The following IQCH variants were observed in gnomAD, a reference collection of about 807,000 sequenced individuals.
The protein encoded by IQCH is IQ domain-containing protein H.
IQCH carries 98 observed loss-of-function variants against 117.0 expected under a neutral mutation model. That is an observed-to-expected ratio of 0.84 (90% CI 0.71 to 0.99). IQCH has a LOEUF of 0.99. Among genes scored for constraint, IQCH ranks in the 50% least tolerant of loss-of-function variants. The probability of loss-of-function intolerance (pLI) is 0.00; values close to 1 mark genes in which losing one functional copy is unlikely to be tolerated. For missense variants in IQCH, 1,102 were observed against 1,243.8 expected (o/e 0.89, Z 1.72); for synonymous variants, 412 against 448.2 (o/e 0.92, Z 1.02).
intron 16 of IQCH, among the ~76,000 whole-genome samples, chr15:67,452,481 T>A (rs1449929670): frequency 1.4e-5 from 2 of 148,138 alleles, no homozygotes; most frequent in Non-Finnish European, 3.0e-5. Flanking sequence ...CTTTCACTTA[T>A]GAAGCTTAGT....
At chr15:67,410,323 G>A (rs1005434498) in intron 14 of IQCH, among the ~76,000 whole-genome samples, 1 of 152,128 alleles carries the variant, frequency 6.6e-6, no homozygotes, top group Non-Finnish European at 1.5e-5. Context: ...TTCAAACATT[G>A]GTCTGGCTTC....
chr15:67,293,587 C>A (rs1175507134), intron 4 of IQCH, among the ~76,000 whole-genome samples: 2 of 150,828 alleles, frequency 1.3e-5, no homozygotes, highest in Non-Finnish European at 2.9e-5. Flanking sequence ...GGTACAGATA[C>A]ATTTTTTAAA....
chr15:67,471,695 T>C (rs1157857729), intron 17 of IQCH, among the ~76,000 whole-genome samples: 1 of 152,242 alleles, frequency 6.6e-6, no homozygotes, highest in Non-Finnish European at 1.5e-5. Context: ...CTAACATTTA[T>C]TGAGAGCTTA....
chr15:67,260,631 C>T (rs977698376), intron 1 of IQCH, among the ~76,000 whole-genome samples: 1 of 152,126 alleles, frequency 6.6e-6, no homozygotes, highest in Non-Finnish European at 1.5e-5. Context: ...TGGAGTCTGG[C>T]ACAAACCTCT....
At chr15:67,438,625 T>C (rs901953099) in intron 16 of IQCH, among the ~76,000 whole-genome samples, 3 of 152,252 alleles carry the variant, frequency 2.0e-5, no homozygotes, top group African/African-American at 7.2e-5. Context: ...AACTGTAGAA[T>C]GGATAAGAAC....
At chr15:67,310,151 G>A (rs952869620) in intron 4 of IQCH, among the ~76,000 whole-genome samples, 1 of 151,754 alleles carries the variant, frequency 6.6e-6, no homozygotes, top group African/African-American at 2.4e-5. Context: ...GTTTCAGAGG[G>A]GTTCTAAGCA....
At chr15:67,487,043 C>T (rs2083500909) in intron 18 of IQCH, among the ~76,000 whole-genome samples, 1 of 152,092 alleles carries the variant, frequency 6.6e-6, no homozygotes, top group Non-Finnish European at 1.5e-5. Flanking sequence ...TTAAAGAATG[C>T]AGATGATGGC....
Position 67,254,903 on chromosome 15 carries a change from C to G in IQCH, c.7C>G (p.Gln3Glu). 6.2e-7 allele frequency: 1 copy of G among 1,613,824 alleles called. No individual in the cohort carries two copies. The highest frequency in any genetic ancestry group is 8.5e-7 in the Non-Finnish European group (1 of 1,179,808). The change falls in exon 1 of 21, where the codon CAG (glutamine) becomes GAG (glutamate). Residue 3 changes from glutamine (Q) to glutamate (E), a missense_variant. This residue lies in a region of IQCH where 452 missense variants were observed against 449.6 expected (regional missense o/e 1.01). Transcript: ENST00000335894. ...GCCGTTCCCTGACCTAGCCATGGCA[C>G]AGAACACTGAAAACCACGACCCTGT... MA[Q>E]NTENHDPVGS...
At position 67,395,103 on chromosome 15, in the gene IQCH, A is replaced by G. The variant is rs1971419250; in HGVS notation, c.1633-188A>G. 6.6e-6 allele frequency among the ~76,000 whole-genome samples: 1 copy of G among 152,160 alleles called. No homozygotes were observed. Among genetic ancestry groups the G allele is most frequent in the South Asian group, 2.1e-4 (1 of 4,816 alleles). On this transcript the variant is annotated intron_variant, in intron 12 of 20. Transcript: ENST00000335894. This position sits in a 1 kb window ranked among gnomAD's most constrained non-coding sequence, Gnocchi z 4.0. ...TTCCCAGTGAGCCTATTTCCAACAC[A>G]CTAAAGATGTGAGCGATTATGGAAC...
At chr15:67,256,138 T>C (rs1167948048) in intron 1 of IQCH, among the ~76,000 whole-genome samples, 1 of 152,156 alleles carries the variant, frequency 6.6e-6, no homozygotes, top group Non-Finnish European at 1.5e-5. Context: ...ACATCTCCAA[T>C]TTTATTATAG....
chr15:67,394,436 G>T (rs917732169), intron 12 of IQCH, among the ~76,000 whole-genome samples: 1 of 152,086 alleles, frequency 6.6e-6, no homozygotes, highest in African/African-American at 2.4e-5. Context: ...CCACCAGCAG[G>T]CCTCTTGAGT....
At chr15:67,316,697 C>T (rs1967862655) in intron 4 of IQCH, among the ~76,000 whole-genome samples, 1 of 152,172 alleles carries the variant, frequency 6.6e-6, no homozygotes, top group Non-Finnish European at 1.5e-5. Flanking sequence ...TTCCTACTTT[C>T]ATTTTACATT....
Position 67,372,344 on chromosome 15 carries a change from A to G in IQCH, c.987A>G (p.Pro329=). Residue 329 remains proline, a synonymous_variant, in exon 9 of 21, where the codon CCA becomes CCG. Coordinates refer to ENST00000335894, the MANE Select transcript of IQCH (RefSeq NM_001031715.3). ...GGAATAATTTGGTGGCCCTCCTTCC[A>G]GAGTTTGAGCTGACGAATAAACTTA... ...IKGNNLVALL[P]EFELTNKLTR... 3 of 1,614,104 alleles carry G rather than the reference A, an allele frequency of 1.9e-6. No homozygotes were observed. Among genetic ancestry groups the G allele is most frequent in the Non-Finnish European group, 2.5e-6 (3 of 1,180,008 alleles).
At chr15:67,290,806 A>T (rs1966724192) in intron 4 of IQCH, among the ~76,000 whole-genome samples, 1 of 152,208 alleles carries the variant, frequency 6.6e-6, no homozygotes, top group Non-Finnish European at 1.5e-5. Flanking sequence ...CACTGTGCCC[A>T]GCTCTGGAAT....
At chr15:67,378,866 G>A (rs1462061292) in intron 10 of IQCH, among the ~76,000 whole-genome samples, 10 of 152,048 alleles carry the variant, frequency 6.6e-5, no homozygotes, top group Admixed American at 2.6e-4. Context: ...CTCGTTCAGT[G>A]GTTCTCAGGA....
intron 4 of IQCH, among the ~76,000 whole-genome samples, chr15:67,327,216 A>G (rs1016343262): frequency 6.6e-6 from 1 of 152,188 alleles, no homozygotes; most frequent in Non-Finnish European, 1.5e-5. Flanking sequence ...CAGAGACAAA[A>G]TCAAGTAAAT....
chr15:67,388,539 C>T lies in IQCH; in HGVS notation c.1457-292C>T, dbSNP rs1056684750. Among the ~76,000 whole-genome samples, 5 of 152,070 alleles carry T rather than the reference C, an allele frequency of 3.3e-5. No individual in the cohort carries two copies. The highest frequency in any genetic ancestry group is 1.5e-5 in the Non-Finnish European group (1 of 68,014). On this transcript the variant is annotated intron_variant, in intron 11 of 20. Coordinates refer to ENST00000335894, the MANE Select transcript of IQCH (RefSeq NM_001031715.3). This position sits in a 1 kb window ranked among gnomAD's most constrained non-coding sequence, Gnocchi z 5.5. Reference sequence around the variant, plus strand: ...TTAATGGGAGTTGTGTGGCTAAATCCCTATGTATTATTTGAAAGTACATTT... The same window carrying T: ...TTAATGGGAGTTGTGTGGCTAAATCTCTATGTATTATTTGAAAGTACATTT...
chr15:67,393,868 T>C lies in IQCH; in HGVS notation c.1633-1423T>C, dbSNP rs541861977. 6.6e-6 allele frequency among the ~76,000 whole-genome samples: 1 copy of C among 152,270 alleles called. No individual in the cohort carries two copies. Among genetic ancestry groups the C allele is most frequent in the South Asian group, 2.1e-4 (1 of 4,816 alleles). On this transcript the variant is annotated intron_variant, in intron 12 of 20. Transcript: ENST00000335894. The surrounding 1 kb of genome is among the most constrained non-coding windows in gnomAD (Gnocchi z 5.5). Reference sequence around the variant, plus strand: ...CTGTAATAATAACTATTACCATTTGTTGAGTATCAATGCTGTGTATTATAC... The same window carrying C: ...CTGTAATAATAACTATTACCATTTGCTGAGTATCAATGCTGTGTATTATAC...
intron 3 of IQCH, among the ~76,000 whole-genome samples, chr15:67,268,382 A>T (rs1158651804): frequency 6.6e-6 from 1 of 152,122 alleles, no homozygotes; most frequent in East Asian, 1.9e-4. Context: ...TTTGGCAATG[A>T]TTTTTCTTTT....
Sources: allele counts gnomAD v4.1 joint callset (sites outside exome capture counted in the v4.1 genomes callset), GRCh38; gene constraint gnomAD v4.1.1; regional missense constraint gnomAD v4.1.1; non-coding constraint Gnocchi (gnomAD v3.1); transcripts MANE v1.5; gene names NCBI Gene and HGNC (gene_info 2026-07-23, HGNC 2026-07-21).